RPGR: variants seen among roughly 807,000 people sequenced by gnomAD.
RPGR encodes X-linked retinitis pigmentosa GTPase regulator.
A neutral mutation model predicts 56.3 loss-of-function variants in RPGR; 10 were observed. The ratio of observed to expected loss-of-function variants is 0.18; its 90% CI spans 0.11 to 0.30. RPGR has a LOEUF of 0.30. Ranked by LOEUF, RPGR falls within the 10% of genes least tolerant of loss-of-function variation. The pLI is 1.00. For missense variants in RPGR, 538 were observed against 590.9 expected (o/e 0.91, Z 0.93); for synonymous variants, 197 against 212.9 (o/e 0.93, Z 0.65).
chrX:38,305,077 C>T (rs989691574), intron 7 of RPGR, among the ~76,000 whole-genome samples: 2 of 111,670 alleles, frequency 1.8e-5, no homozygotes, highest in African/African-American at 6.5e-5. Flanking sequence ...GCACATAAGT[C>T]AGGGAACTAC....
Position 38,297,317 on chromosome X carries a change from A to G in RPGR, c.1381T>C (p.Ser461Pro), listed in dbSNP as rs2067404561. 1 of 1,211,007 alleles carries G rather than the reference A, an allele frequency of 8.3e-7. No homozygotes were observed. Among genetic ancestry groups the G allele is most frequent in the Non-Finnish European group, 1.1e-6 (1 of 895,316 alleles). The stretch of plus-strand genomic sequence containing the variant: ...TCTGGCTGCATGAGGTCCTGTTCAG[A>G]TAAGACACTCTCTTGGAGGTTTCTC... Residue 461 changes from serine to proline, a missense_variant, in exon 11 of 19, where the codon TCT (serine) becomes CCT (proline). Ser to Pro is a moderately conservative substitution (Grantham distance 74). Transcript: ENST00000642395.
intron 11 of RPGR, among the ~76,000 whole-genome samples, chrX:38,293,627 C>T (rs1405691543): frequency 8.9e-6 from 1 of 112,015 alleles, no homozygotes; most frequent in Non-Finnish European, 1.9e-5. Context: ...TTGGAAAATA[C>T]ATAGCAGATT....
chrX:38,303,441 A>C (rs891356908), intron 8 of RPGR, among the ~76,000 whole-genome samples: 6 of 112,341 alleles, frequency 5.3e-5, no homozygotes, highest in African/African-American at 1.9e-4. Context: ...GGTACTATGA[A>C]AATTTAACTA....
In RPGR at chrX:38,287,255, G is replaced by C. The variant is rs368767915; in HGVS notation, c.1754-10C>G. 3.9e-4 allele frequency: 466 copies of C among 1,206,484 alleles called. 1 individual carries two copies. The highest frequency in any genetic ancestry group is 5.0e-4 in the Non-Finnish European group (448 of 894,940). ...TTCTCCTCTGGGATCTCTGACAAGC[G>C]ATCACATTTAAAATCATACTTTGCC... On this transcript the variant is annotated splice_polypyrimidine_tract_variant and intron_variant, in intron 14 of 18. Transcript: ENST00000642395.
At chrX:38,276,966 G>A (rs907912562) in intron 15 of RPGR, among the ~76,000 whole-genome samples, 34 of 111,256 alleles carry the variant, frequency 3.1e-4, no homozygotes, top group African/African-American at 1.1e-3. Flanking sequence ...AGGATTTTAC[G>A]CATGCCACTC....
At chrX:38,311,339 CTTCT>C (rs2067714068) in intron 6 of RPGR, among the ~76,000 whole-genome samples, 2 of 112,274 alleles carry the variant, frequency 1.8e-5, no homozygotes, top group Admixed American at 1.9e-4. Flanking sequence ...TATTAATTTG[CTTCT>C]TTATTACATT....
At chrX:38,272,958 T>C (rs1450377365) in intron 18 of RPGR, among the ~76,000 whole-genome samples, 1 of 110,617 alleles carries the variant, frequency 9.0e-6, no homozygotes, top group Non-Finnish European at 1.9e-5. Context: ...AAACATACGA[T>C]TTGTGATGTT....
Position 38,281,835 on chromosome X carries a change from C to T in RPGR, c.1906-5063G>A, listed in dbSNP as rs755321858. Among the ~76,000 whole-genome samples, 71 of 111,928 alleles carry T rather than the reference C, an allele frequency of 6.3e-4. 1 individual carries two copies. Among genetic ancestry groups the T allele is most frequent in the African/African-American group, 2.2e-3 (69 of 30,852 alleles). ...GGGCTGGGATTTTAACTCAGTTCTA[C>T]TGGACTTTGGAGCCCATGTTTGTTT... On this transcript the variant is annotated intron_variant, in intron 15 of 18. Coordinates refer to ENST00000642395, the MANE Select transcript of RPGR (RefSeq NM_000328.3).
At chrX:38,284,859 C>T in intron 15 of RPGR, 4 of 751,595 alleles carry the variant, frequency 5.3e-6, no homozygotes, top group Non-Finnish European at 6.3e-6. Flanking sequence ...TTACATATTT[C>T]CAGATTATAC....
At chrX:38,279,970 C>G (rs1360463752) in intron 15 of RPGR, among the ~76,000 whole-genome samples, 1 of 110,203 alleles carries the variant, frequency 9.1e-6, no homozygotes, top group East Asian at 2.8e-4. Context: ...CACTGAAAAT[C>G]ATGGAAACAG....
chrX:38,302,922 T>G (rs1490429186), intron 8 of RPGR, among the ~76,000 whole-genome samples: 2 of 107,665 alleles, frequency 1.9e-5, no homozygotes, highest in Non-Finnish European at 3.8e-5. Context: ...GTGATTCTCC[T>G]GCCTCAGCCT....
At chrX:38,298,137 G>A (rs1215020988) in intron 10 of RPGR, among the ~76,000 whole-genome samples, 1 of 109,589 alleles carries the variant, frequency 9.1e-6, no homozygotes, top group Non-Finnish European at 1.9e-5. Context: ...GGGCATGGTG[G>A]TGCACGCCTG....
chrX:38,300,254 C>T (rs1251971748), intron 9 of RPGR, among the ~76,000 whole-genome samples: 2 of 111,555 alleles, frequency 1.8e-5, no homozygotes, highest in Non-Finnish European at 3.8e-5. Flanking sequence ...CCGACCAGTA[C>T]TTTGTATTTC....
intron 11 of RPGR, 80 bp downstream of exon 11, chrX:38,297,204 A>G: frequency 9.8e-7 from 1 of 1,022,604 alleles, no homozygotes; most frequent in Admixed American, 2.2e-5. Flanking sequence ...TAACTGGAGA[A>G]AACATCTTAA....
intron 15 of RPGR, chrX:38,285,511 G>A (rs1323935014): frequency 1.3e-5 from 16 of 1,207,168 alleles, no homozygotes; most frequent in Non-Finnish European, 1.7e-5. Context: ...TTGTCTGACT[G>A]GCCATAATCG....
At chrX:38,270,580 G>A (rs776058695) in intron 18 of RPGR, among the ~76,000 whole-genome samples, 6 of 100,507 alleles carry the variant, frequency 6.0e-5, no homozygotes, top group East Asian at 3.1e-4. Flanking sequence ...CCAAGATCGC[G>A]CCACTGCACT....
intron 15 of RPGR, among the ~76,000 whole-genome samples, chrX:38,279,693 TGTATGAGATAGG>T (rs750408417): frequency 0.14 from 15,133 of 110,292 alleles, 886 homozygotes; most frequent in Middle Eastern, 0.17. Flanking sequence ...GAGGGACACA[TGTATGAGATAGG>T]CACTTTTGTC....
At chrX:38,270,233 C>T (rs189420078) in intron 18 of RPGR, among the ~76,000 whole-genome samples, 212 of 110,594 alleles carry the variant, frequency 1.9e-3, no homozygotes, top group African/African-American at 6.8e-3. Context: ...CTCAGTGTAT[C>T]GCAGCTACAG....
At chrX:38,322,790 G>T (rs765591178) in intron 3 of RPGR, 63 bp downstream of exon 3, 4 of 862,136 alleles carry the variant, frequency 4.6e-6, no homozygotes, top group Non-Finnish European at 6.9e-6. Context: ...TGACATTAAA[G>T]AACTACACAG....
Sources: gnomAD v4.1 joint callset for allele counts (sites outside exome capture counted in the v4.1 genomes callset) on GRCh38, gnomAD v4.1.1 for gene constraint, MANE v1.5 for transcripts, NCBI Gene and HGNC (gene_info 2026-07-23, HGNC 2026-07-21) for gene names.